Variants in TRPV4 observed in about 807,000 individuals in gnomAD.
TRPV4 encodes the protein OSM9-like transient receptor potential channel 4.
In TRPV4, 58 loss-of-function variants were observed where a neutral mutation model predicts 84.1. The observed-to-expected ratio is 0.69, with a 90% confidence interval of 0.56 to 0.86. The LOEUF is 0.86. Ranked by LOEUF, TRPV4 falls within the 40% of genes least tolerant of loss-of-function variation. TRPV4 has a pLI of 0.00. For synonymous variants in TRPV4, 489 were observed against 500.9 expected (o/e 0.98, Z 0.32); for missense variants, 879 against 1,181.1 (o/e 0.74, Z 3.75).
intron 2 of TRPV4, among the ~76,000 whole-genome samples, chr12:109,809,897 C>T (rs923519435): frequency 1.3e-5 from 2 of 152,194 alleles, no homozygotes; most frequent in African/African-American, 4.8e-5. Flanking sequence ...TCATATGTAC[C>T]TGCCCATGGC....
chr12:109,787,287 TTTG>T (rs761869778), intron 13 of TRPV4, among the ~76,000 whole-genome samples: 112 of 152,230 alleles, frequency 7.4e-4, no homozygotes, highest in East Asian at 1.5e-3. Context: ...TTTGCAGTTT[TTTG>T]TTGTTGTTGT....
At chr12:109,790,782 C>A (rs950169789) in intron 12 of TRPV4, among the ~76,000 whole-genome samples, 1 of 152,178 alleles carries the variant, frequency 6.6e-6, no homozygotes, top group Non-Finnish European at 1.5e-5. Flanking sequence ...TCGAGGCTGG[C>A]CTTGTGACTT....
chr12:109,792,494 C>G (rs1222145832), intron 11 of TRPV4, 65 bp from the exon 12 acceptor site: 17 of 1,591,060 alleles, frequency 1.1e-5, no homozygotes, highest in Non-Finnish European at 1.3e-5. Flanking sequence ...TTCCCCATTC[C>G]TCCATCTCCA....
chr12:109,807,621 C>T (rs573896692), intron 3 of TRPV4, among the ~76,000 whole-genome samples: 1 of 152,292 alleles, frequency 6.6e-6, no homozygotes, highest in Non-Finnish European at 1.5e-5. Flanking sequence ...ACCCAGAACC[C>T]AGCACATTGC....
intron 8 of TRPV4, 68 bp from the exon 9 acceptor site, chr12:109,794,090 T>A (rs1011638627): frequency 1.7e-5 from 23 of 1,361,158 alleles, no homozygotes; most frequent in Non-Finnish European, 2.3e-5. Context: ...AATCCAGATG[T>A]TCCCCCAGGC....
chr12:109,792,872 C>T, intron 10 of TRPV4, 55 bp from the exon 11 acceptor site: 6 of 1,596,474 alleles, frequency 3.8e-6, no homozygotes, highest in Non-Finnish European at 4.3e-6. Context: ...GACAATGAGG[C>T]TCTGGAGGGG....
chr12:109,793,990 G>A lies in TRPV4; in HGVS notation c.1524C>T (p.Tyr508=), dbSNP rs760984339. The A allele has an allele frequency of 5.0e-6, 8 of 1,610,348 alleles. No homozygotes were observed. The South Asian group carries it at 6.7e-5, about 13-fold the overall frequency. The part of the protein sequence containing the change: ...PPYPYRTTVD[Y]LRLAGEVITL... ...TAATGACCTCGCCAGCCAGCCGCAG[G>A]TAGTCCACCGTGGTGCGGTAAGGGT... The change falls in exon 9 of 16, where the codon TAC becomes TAT. Residue 508 remains tyrosine, a synonymous_variant. Transcript: ENST00000261740. This position sits in a 1 kb window ranked among gnomAD's most constrained non-coding sequence, Gnocchi z 4.0.
intron 12 of TRPV4, among the ~76,000 whole-genome samples, chr12:109,789,395 T>C (rs1449192410): frequency 1.3e-5 from 2 of 152,150 alleles, no homozygotes; most frequent in Non-Finnish European, 2.9e-5. Flanking sequence ...TTGGGGGCTC[T>C]GGAATGCCCC....
At chr12:109,804,566 T>C (rs1891004444) in intron 3 of TRPV4, among the ~76,000 whole-genome samples, 1 of 152,212 alleles carries the variant, frequency 6.6e-6, no homozygotes, top group Admixed American at 6.5e-5. Context: ...TATCAATCCA[T>C]GAGACGGGAT....
At chr12:109,818,580 G>A (rs778480547) in intron 1 of TRPV4, among the ~76,000 whole-genome samples, 15 of 151,812 alleles carry the variant, frequency 9.9e-5, no homozygotes, top group Admixed American at 2.0e-4. Context: ...GATTACTGCC[G>A]CCCATTCTCA....
chr12:109,792,022 G>C (rs905301341), intron 12 of TRPV4, among the ~76,000 whole-genome samples: 1 of 151,162 alleles, frequency 6.6e-6, no homozygotes, highest in East Asian at 2.0e-4. Flanking sequence ...CCTGAGGTCA[G>C]GAGTTCAAGA....
In TRPV4 at chr12:109,783,376, G is replaced by C. The variant is rs1172350926; in HGVS notation, c.*245C>G. 6.8e-5 allele frequency: 35 copies of C among 513,984 alleles called. No individual in the cohort carries two copies. The East Asian group carries it at 1.1e-3, about 16-fold the overall frequency. The allele number at this position is 513,984 out of a possible 1,614,324, so 31.8% of individuals were successfully genotyped here. A position where few individuals can be genotyped will look rare whatever the true frequency, so the allele number is the denominator to read the frequency against. On this transcript the variant is annotated 3_prime_UTR_variant, in exon 16 of 16. Transcript: ENST00000261740. The surrounding 1 kb of genome is among the most constrained non-coding windows in gnomAD (Gnocchi z 4.6). The stretch of plus-strand genomic sequence containing the variant: ...GGAGAGGCAGGGGCTGGGGCCTGAG[G>C]TGGAGGGGCTCTGGCGTTGGCTTAT...
chr12:109,820,594 C>CTCACT (rs1320997925), intron 1 of TRPV4, among the ~76,000 whole-genome samples: 1 of 146,034 alleles, frequency 6.8e-6, no homozygotes, highest in Non-Finnish European at 1.5e-5. Flanking sequence ...CGCATCTCCA[C>CTCACT]TCACTGCAAG....
rs1018279960 is a variant in TRPV4 at position 109,793,705 on chromosome 12, T to A, written c.1585-105A>T. On this transcript the variant is annotated intron_variant, in intron 9 of 15. Transcript: ENST00000261740. This position sits in a 1 kb window ranked among gnomAD's most constrained non-coding sequence, Gnocchi z 4.0. ...TAGAAGAGAGGGAGGCAGAGGCTGGTACAGAGAAAAGACAAAGGACTCTTT... is the reference window on the plus strand; with the variant it reads ...TAGAAGAGAGGGAGGCAGAGGCTGGAACAGAGAAAAGACAAAGGACTCTTT... The A allele has an allele frequency of 2.9e-6, 3 of 1,029,626 alleles. No homozygotes were observed. The East Asian group carries it at 7.4e-5, about 25-fold the overall frequency. The allele number at this position is 1,029,626 out of a possible 1,614,324, so 63.8% of individuals were successfully genotyped here. A position where few individuals can be genotyped will look rare whatever the true frequency, so the allele number is the denominator to read the frequency against.
chr12:109,784,353 A>AT lies in TRPV4; in HGVS notation c.2420dup (p.Tyr807Ter). The change falls in exon 15 of 16, where the codon TAT becomes TAAT. Residue 807 changes from tyrosine to a stop codon, truncating the protein, a stop_gained and frameshift_variant. Coordinates refer to ENST00000261740, the MANE Select transcript of TRPV4 (RefSeq NM_021625.5). LOFTEE classifies it high-confidence loss of function. ...GGCCCACGGTATGCGAGAAGCCATA[A>AT]TACTGGTAGGTCTCATTCTTGCCCG... ...EDPGKNETYQ[Y>*]YGFSHTVGRL... 1 of 1,614,162 alleles carries AT rather than the reference A, an allele frequency of 6.2e-7. No homozygotes were observed. Among genetic ancestry groups the AT allele is most frequent in the Non-Finnish European group, 8.5e-7 (1 of 1,180,034 alleles).
rs143502097 is a variant in TRPV4 at position 109,794,483 on chromosome 12, C to A, written c.1337G>T (p.Arg446Leu). 240 of 1,613,684 alleles carry A rather than the reference C, an allele frequency of 1.5e-4. 1 individual carries two copies. The African/African-American group carries it at 2.6e-3, about 18-fold the overall frequency. ...GGGCTCCACAGCCAGCATCTCGTGG[C>A]GGTTCTAAGAGAGGCAGGGTGGTCG... ...ILVYNSKIEN[R>L]HEMLAVEPIN... The change falls in exon 8 of 16, where the codon CGC becomes CTC. Residue 446 changes from arginine to leucine, a missense_variant. Coordinates refer to ENST00000261740, the MANE Select transcript of TRPV4 (RefSeq NM_021625.5).
rs1308609062 is a variant in TRPV4 at position 109,783,807 on chromosome 12, G to T, written c.2459-29C>A. On this transcript the variant is annotated intron_variant, in intron 15 of 15. Coordinates refer to ENST00000261740, the MANE Select transcript of TRPV4 (RefSeq NM_021625.5). This position sits in a 1 kb window ranked among gnomAD's most constrained non-coding sequence, Gnocchi z 4.6. ...CACCGAGAGCACATCAGAGGGAGGG[G>T]TGGGGGTTGGTGGAGAGAGAGCGTG... 1 of 1,608,116 alleles carries T rather than the reference G, an allele frequency of 6.2e-7. No homozygotes were observed. Among genetic ancestry groups the T allele is most frequent in the Non-Finnish European group, 8.5e-7 (1 of 1,179,718 alleles).
At position 109,793,514 on chromosome 12, in the gene TRPV4, GACCTCT is replaced by G. The variant is rs1565865039; in HGVS notation, c.1658+7_1658+12del. 1.2e-6 allele frequency: 2 copies of G among 1,612,164 alleles called. No homozygotes were observed. Among genetic ancestry groups the G allele is most frequent in the Admixed American group, 3.3e-5 (2 of 60,000 alleles). On this transcript the variant is annotated splice_region_variant and intron_variant, in intron 10 of 15. Transcript: ENST00000261740. This position sits in a 1 kb window ranked among gnomAD's most constrained non-coding sequence, Gnocchi z 4.0. ...CTCACCCAGAAGCTGCCGGCCCAGGGACCTCTACTCACTAGAGCAGCTGGAAGGAGC... is the reference window on the plus strand; with the variant it reads ...CTCACCCAGAAGCTGCCGGCCCAGGGACTCACTAGAGCAGCTGGAAGGAGC...
At chr12:109,806,478 T>C (rs12311330) in intron 3 of TRPV4, among the ~76,000 whole-genome samples, 19,298 of 151,284 alleles carry the variant, frequency 0.13, 1,701 homozygotes, top group African/African-American at 0.24. Context: ...GTGCTGGGAT[T>C]ATAGGCATGA....
Sources: allele counts gnomAD v4.1 joint callset (sites outside exome capture counted in the v4.1 genomes callset), GRCh38; gene constraint gnomAD v4.1.1; non-coding constraint Gnocchi (gnomAD v3.1); transcripts MANE v1.5; gene names NCBI Gene and HGNC (gene_info 2026-07-23, HGNC 2026-07-21).